The following SHANK2 variants were observed in gnomAD, a reference collection of about 807,000 sequenced individuals.
SHANK2 encodes SH3 and multiple ankyrin repeat domains protein 2.
SHANK2 carries 43 observed loss-of-function variants against 133.7 expected under a neutral mutation model. That is an observed-to-expected ratio of 0.32 (90% CI 0.25 to 0.41). The LOEUF (loss-of-function observed/expected upper bound fraction) is 0.41, where lower values mean the gene tolerates loss of function less well. SHANK2 is among the 10% of genes least tolerant of loss of function. The pLI, the probability that SHANK2 is intolerant of heterozygous loss-of-function variation, is 1.00. For missense variants in SHANK2, 1,994 were observed against 2,235.8 expected (o/e 0.89, Z 2.18); for synonymous variants, 1,017 against 952.8 (o/e 1.07, Z -1.24).
chr11:70,727,900 A>G (rs1946208625), intron 14 of SHANK2, among the ~76,000 whole-genome samples: 1 of 152,254 alleles, frequency 6.6e-6, no homozygotes, highest in Non-Finnish European at 1.5e-5. Context: ...CTTCCAGAGC[A>G]GTAAGTAATT....
intron 11 of SHANK2, among the ~76,000 whole-genome samples, chr11:70,845,198 C>CAAAAAAAAAAAAAA (rs782471301): frequency 1.4e-4 from 7 of 51,508 alleles, no homozygotes; most frequent in Admixed American, 2.1e-4. Context: ...GACTCTGTCT[C>CAAAAAAAAAAAAAA]AAAAAAAAAA....
chr11:71,203,838 G>A (rs997597478), intron 2 of SHANK2, among the ~76,000 whole-genome samples: 6 of 152,216 alleles, frequency 3.9e-5, no homozygotes, highest in East Asian at 3.9e-4. Flanking sequence ...GAACCCCCAG[G>A]AAAAGCCCTG....
At chr11:70,740,117 T>C (rs1471279239) in intron 14 of SHANK2, among the ~76,000 whole-genome samples, 1 of 150,238 alleles carries the variant, frequency 6.7e-6, no homozygotes, top group African/African-American at 2.5e-5. Flanking sequence ...CCACAGCACC[T>C]AGGACAGACA....
At chr11:70,891,735 G>T (rs1327506163) in intron 11 of SHANK2, among the ~76,000 whole-genome samples, 2 of 152,044 alleles carry the variant, frequency 1.3e-5, no homozygotes, top group Non-Finnish European at 2.9e-5. Context: ...ATCCCCCAGG[G>T]TAGAGGGCCA....
rs117767473 is a variant in SHANK2 at position 70,480,488 on chromosome 11, T to A, written c.4979+4826A>T. Among the ~76,000 whole-genome samples the A allele has an allele frequency of 4.4e-3, 665 of 152,332 alleles. 4 individuals are homozygous for A. The highest frequency in any genetic ancestry group is 7.8e-3 in the Non-Finnish European group (532 of 68,018). ...CTTTCTGCACTGGTCACTAACCTAT[T>A]AGCATGTTGTGGCTCCTTTGTGGCA... On this transcript the variant is annotated intron_variant, in intron 25 of 25. Transcript: ENST00000601538.
intron 9 of SHANK2, among the ~76,000 whole-genome samples, chr11:71,057,969 A>G (rs1950942122): frequency 7.2e-6 from 1 of 139,766 alleles, no homozygotes. Flanking sequence ...GCTAGAGTGC[A>G]GCGGTGCGAT....
At chr11:70,558,099 G>A (rs1554980015) in intron 17 of SHANK2, among the ~76,000 whole-genome samples, 1 of 152,188 alleles carries the variant, frequency 6.6e-6, no homozygotes, top group African/African-American at 2.4e-5. Context: ...GCTGTTCCGT[G>A]GCAGGGGTCC....
At chr11:70,813,979 C>T (rs1027947602) in intron 12 of SHANK2, among the ~76,000 whole-genome samples, 2 of 152,158 alleles carry the variant, frequency 1.3e-5, no homozygotes, top group East Asian at 1.9e-4. Context: ...CACAGGACAC[C>T]GGCTACCCCT....
chr11:71,213,997 C>A (rs1471407358), intron 2 of SHANK2, among the ~76,000 whole-genome samples: 1 of 152,158 alleles, frequency 6.6e-6, no homozygotes, highest in Admixed American at 6.5e-5. Flanking sequence ...ATGAACCACC[C>A]CTGCCCTAAC....
chr11:70,840,280 C>G (rs142748156), intron 11 of SHANK2, among the ~76,000 whole-genome samples: 604 of 152,318 alleles, frequency 4.0e-3, no homozygotes, highest in Non-Finnish European at 6.0e-3. Flanking sequence ...TGAGAGCTCA[C>G]CTGGCACACT....
chr11:71,103,538 G>A (rs911327697), intron 6 of SHANK2, among the ~76,000 whole-genome samples: 17 of 152,216 alleles, frequency 1.1e-4, no homozygotes, highest in African/African-American at 4.1e-4. Context: ...AAACAACATT[G>A]ACTGAGCTGC....
intron 17 of SHANK2, among the ~76,000 whole-genome samples, chr11:70,608,546 A>C (rs374631973): frequency 5.3e-5 from 8 of 152,190 alleles, no homozygotes; most frequent in African/African-American, 1.9e-4. Context: ...GGGGTCATGT[A>C]AAGGCTCTGC....
intron 17 of SHANK2, among the ~76,000 whole-genome samples, chr11:70,517,847 A>T (rs1333226001): frequency 6.6e-6 from 1 of 152,234 alleles, no homozygotes; most frequent in Non-Finnish European, 1.5e-5. Flanking sequence ...ACCCTCATGT[A>T]GACTACGGGC....
chr11:70,752,089 T>A (rs142109450), intron 14 of SHANK2, among the ~76,000 whole-genome samples: 132 of 152,324 alleles, frequency 8.7e-4, no homozygotes, highest in Non-Finnish European at 1.4e-3. Context: ...GATGGAGTTT[T>A]ATTTTTTTAT....
rs370835141 is a variant in SHANK2 at position 70,697,641 on chromosome 11, GACAA to G, written c.1853+1043_1853+1046del. On this transcript the variant is annotated intron_variant, in intron 15 of 25. Transcript: ENST00000601538. ...CGTACATTTTACTTCAATCAAAACAGACAAACAAAAACAAATCAATCAGCTAACC... is the reference window on the plus strand; with the variant it reads ...CGTACATTTTACTTCAATCAAAACAGACAAAAACAAATCAATCAGCTAACC... Among the ~76,000 whole-genome samples the G allele has an allele frequency of 6.1e-3, 924 of 152,342 alleles. 9 individuals carry two copies. The highest frequency in any genetic ancestry group is 0.021 in the African/African-American group (877 of 41,564).
intron 17 of SHANK2, among the ~76,000 whole-genome samples, chr11:70,655,943 T>C (rs906945707): frequency 6.6e-6 from 1 of 151,806 alleles, no homozygotes; most frequent in African/African-American, 2.4e-5. Context: ...GGAGACGAGG[T>C]TTCTATAACC....
intron 2 of SHANK2, among the ~76,000 whole-genome samples, chr11:71,201,618 C>A (rs1954021936): frequency 6.6e-6 from 1 of 152,208 alleles, no homozygotes; most frequent in Admixed American, 6.5e-5. Flanking sequence ...TAAGATAAAT[C>A]CAGTGACTAT....
intron 12 of SHANK2, among the ~76,000 whole-genome samples, chr11:70,811,881 C>T (rs1948288894): frequency 6.6e-6 from 1 of 152,214 alleles, no homozygotes; most frequent in East Asian, 1.9e-4. Flanking sequence ...TTTTTCTGAA[C>T]ATCTATTCAC....
chr11:71,089,215 G>A (rs1951461957), intron 8 of SHANK2, among the ~76,000 whole-genome samples: 1 of 152,202 alleles, frequency 6.6e-6, no homozygotes, highest in Admixed American at 6.5e-5. Flanking sequence ...CTCAACAGGA[G>A]CCGAAGCTCA....
Sources: allele counts gnomAD v4.1 joint callset (sites outside exome capture counted in the v4.1 genomes callset), GRCh38; gene constraint gnomAD v4.1.1; transcripts MANE v1.5; gene names NCBI Gene and HGNC (gene_info 2026-07-23, HGNC 2026-07-21).